SRGN: variants seen among roughly 807,000 people sequenced by gnomAD.
SRGN encodes serglycin.
In SRGN, 2 loss-of-function variants were observed where a neutral mutation model predicts 9.5. The ratio of observed to expected loss-of-function variants is 0.21; its 90% CI spans 0.09 to 0.66. The LOEUF (loss-of-function observed/expected upper bound fraction) is 0.66. SRGN is among the 30% of genes least tolerant of loss of function. The pLI, the probability that SRGN is intolerant of heterozygous loss-of-function variation, is 0.83. For missense variants in SRGN, 170 were observed against 192.4 expected (o/e 0.88, Z 0.69); for synonymous variants, 59 against 72.3 (o/e 0.82, Z 0.93).
chr10:69,097,446 A>ATTTTT (rs1840199730), intron 2 of SRGN, among the ~76,000 whole-genome samples: 1 of 14,712 alleles, frequency 6.8e-5, no homozygotes, highest in African/African-American at 1.0e-4. Context: ...TTTTTTTTTG[A>ATTTTT]GACGGAGTCT....
rs1840351875 is a variant in SRGN at position 69,104,203 on chromosome 10, A to G, written c.*83A>G. ...GGTTATATGATTAATCTTGGGACAA[A>G]GAATTTTATAGAAATTTTTAAACAT... On this transcript the variant is annotated 3_prime_UTR_variant, in exon 3 of 3. Coordinates refer to ENST00000242465, the MANE Select transcript of SRGN (RefSeq NM_002727.4). 1 of 1,480,804 alleles carries G rather than the reference A, an allele frequency of 6.8e-7. No individual in the cohort carries two copies. The highest frequency in any genetic ancestry group is 1.4e-5 in the African/African-American group (1 of 70,948). 91.7% of individuals were successfully genotyped at this position (1,480,804 alleles called of 1,614,324 possible). A position where few individuals can be genotyped will look rare whatever the true frequency, so the allele number is the denominator to read the frequency against.
chr10:69,094,200 C>G (rs180718486), intron 1 of SRGN, among the ~76,000 whole-genome samples: 102 of 152,310 alleles, frequency 6.7e-4, no homozygotes, highest in African/African-American at 2.2e-3. Context: ...GTCATTTTGC[C>G]TGCCTTATCC....
intron 2 of SRGN, 34 bp downstream of exon 2, chr10:69,097,265 T>C (rs1425984686): frequency 6.4e-7 from 1 of 1,558,690 alleles, no homozygotes; most frequent in Non-Finnish European, 8.8e-7. Context: ...ATTAATTAAT[T>C]ACTTATTTAT....
In SRGN at chr10:69,092,675, T is replaced by A. The variant is rs192159569; in HGVS notation, c.80-4409T>A. ...TGGGCATGGTGGTGTGCACCTGTAATTCCAGCTACTTGGGAGGCTGAGGCA... is the reference window on the plus strand; with the variant it reads ...TGGGCATGGTGGTGTGCACCTGTAAATCCAGCTACTTGGGAGGCTGAGGCA... On this transcript the variant is annotated intron_variant, in intron 1 of 2. Transcript: ENST00000242465. Among the ~76,000 whole-genome samples, 62 of 152,140 alleles carry A rather than the reference T, an allele frequency of 4.1e-4. 1 individual carries two copies. The highest frequency in any genetic ancestry group is 1.5e-3 in the African/African-American group (61 of 41,502).
At chr10:69,099,069 G>T (rs1196298047) in intron 2 of SRGN, among the ~76,000 whole-genome samples, 1 of 151,946 alleles carries the variant, frequency 6.6e-6, no homozygotes. Context: ...TTGCAAAAAA[G>T]ACCTGATATA....
chr10:69,097,141 C>T lies in SRGN; in HGVS notation c.137C>T (p.Ser46Phe). ...QWVRCNPDSN[S>F]ANCLEEKGPM... is the part of the protein sequence containing the mutation. ...GTGCGCTGCAATCCAGACAGTAATT[C>T]TGCAAACTGCCTTGAAGAAAAAGGA... The change falls in exon 2 of 3, where the codon TCT (serine) becomes TTT (phenylalanine). Residue 46 changes from serine (S) to phenylalanine (F), a missense_variant. Transcript: ENST00000242465. The T allele has an allele frequency of 6.2e-7, 1 of 1,614,172 alleles. No individual in the cohort carries two copies.
chr10:69,091,391 G>A (rs1177778334), intron 1 of SRGN, among the ~76,000 whole-genome samples: 1 of 152,136 alleles, frequency 6.6e-6, no homozygotes, highest in Non-Finnish European at 1.5e-5. Flanking sequence ...GTAAACTTAG[G>A]AGCTTTTTAT....
At chr10:69,097,474 T>C (rs915463216) in intron 2 of SRGN, among the ~76,000 whole-genome samples, 2 of 142,090 alleles carry the variant, frequency 1.4e-5, no homozygotes, top group Non-Finnish European at 3.0e-5. Flanking sequence ...TCGCTCAGGC[T>C]GGAGTGCAGT....
intron 1 of SRGN, 91 bp from the exon 2 acceptor site, chr10:69,096,993 C>G: frequency 7.3e-7 from 1 of 1,376,814 alleles, no homozygotes; most frequent in Non-Finnish European, 9.8e-7. Context: ...GACCCTGTCT[C>G]GAAAAAAAAA....
rs15330 is a variant in SRGN, at chr10:69,104,673, C to T, written c.*553C>T. On this transcript the variant is annotated 3_prime_UTR_variant, in exon 3 of 3. Transcript: ENST00000242465. ...TTGTCTACAAGTATGATTGCTGTTA[C>T]ATAACACCCCAAATTAACTCCCAAA... 6.6e-6 allele frequency: 1 copy of T among 152,296 alleles called. No individual in the cohort carries two copies. The highest frequency in any genetic ancestry group is 1.5e-5 in the Non-Finnish European group (1 of 68,108). 9.4% of individuals were successfully genotyped at this position (152,296 alleles called of 1,614,324 possible). A position where few individuals can be genotyped will look rare whatever the true frequency, so the allele number is the denominator to read the frequency against.
chr10:69,100,540 C>A (rs1049463938), intron 2 of SRGN, among the ~76,000 whole-genome samples: 2 of 152,216 alleles, frequency 1.3e-5, no homozygotes, highest in African/African-American at 4.8e-5. Flanking sequence ...TATTTTCCTT[C>A]CCCAAAGCCA....
chr10:69,100,701 G>A (rs960203300), intron 2 of SRGN, among the ~76,000 whole-genome samples: 3 of 152,092 alleles, frequency 2.0e-5, no homozygotes, highest in Non-Finnish European at 2.9e-5. Context: ...TGGGGGTGGC[G>A]GTGGAACTGA....
At chr10:69,095,423 C>T (rs1840155848) in intron 1 of SRGN, among the ~76,000 whole-genome samples, 1 of 152,016 alleles carries the variant, frequency 6.6e-6, no homozygotes, top group African/African-American at 2.4e-5. Flanking sequence ...TAAAACTACC[C>T]TTCCTGACTT....
At position 69,097,112 on chromosome 10, in the gene SRGN, A is replaced by C; in HGVS notation, c.108A>C (p.Gln36His). Residue 36 changes from glutamine (Q) to histidine (H), a missense_variant, in exon 2 of 3, where the codon CAA becomes CAC. Transcript: ENST00000242465. ...QGYPTRRARY[Q>H]WVRCNPDSNS... ...ATCCTACGCGGAGAGCCAGGTACCA[A>C]TGGGTGCGCTGCAATCCAGACAGTA... The C allele has an allele frequency of 6.2e-7, 1 of 1,614,130 alleles. No individual in the cohort carries two copies. Among genetic ancestry groups the C allele is most frequent in the Non-Finnish European group, 8.5e-7 (1 of 1,179,964 alleles).
intron 2 of SRGN, 139 bp downstream of exon 2, chr10:69,097,370 C>G (rs947770677): frequency 1.2e-5 from 7 of 597,114 alleles, no homozygotes; most frequent in Non-Finnish European, 2.0e-5. Context: ...AAGCGATTCT[C>G]CTGCTTCAGC....
intron 1 of SRGN, among the ~76,000 whole-genome samples, chr10:69,091,267 T>G (rs769524790): frequency 6.6e-6 from 1 of 152,216 alleles, no homozygotes; most frequent in Non-Finnish European, 1.5e-5. Flanking sequence ...AGAATTAACT[T>G]TCTACTGCAG....
chr10:69,088,015 T>A, upstream of SRGN: 1 of 665,622 alleles, frequency 1.5e-6, no homozygotes, highest in Non-Finnish European at 2.6e-6. Context: ...TGGATGTCTT[T>A]CTATTTGTTC....
At chr10:69,093,396 A>T (rs1429260902) in intron 1 of SRGN, among the ~76,000 whole-genome samples, 2 of 152,216 alleles carry the variant, frequency 1.3e-5, no homozygotes, top group African/African-American at 4.8e-5. Flanking sequence ...CCGCTGGAAC[A>T]TTTAAAACTC....
chr10:69,088,049 G>A (rs147569130), upstream of SRGN: 1,997 of 855,188 alleles, frequency 2.3e-3, 2 homozygotes, highest in South Asian at 2.9e-3. Context: ...GTGTGTTCTG[G>A]GCAGGGTTTG....
Sources: gnomAD v4.1 joint callset for allele counts (sites outside exome capture counted in the v4.1 genomes callset) on GRCh38, gnomAD v4.1.1 for gene constraint, MANE v1.5 for transcripts, NCBI Gene and HGNC (gene_info 2026-07-23, HGNC 2026-07-21) for gene names.